WDPCP: variants seen among roughly 807,000 people sequenced by gnomAD.
The protein encoded by WDPCP is WD repeat-containing and planar cell polarity effector protein fritz homolog.
A neutral mutation model predicts 93.1 loss-of-function variants in WDPCP; 71 were observed. The ratio of observed to expected loss-of-function variants is 0.76; its 90% confidence interval spans 0.63 to 0.93. The LOEUF (loss-of-function observed/expected upper bound fraction) is 0.93. Among genes scored for constraint, WDPCP ranks in the 40% least tolerant of loss-of-function variants. The pLI is 0.00. For missense variants in WDPCP, 844 were observed against 887.4 expected (o/e 0.95, Z 0.62); for synonymous variants, 315 against 315.0 (o/e 1.00, Z 0.00).
chr2:63,587,358 G>A (rs1708928813), intron 1 of WDPCP, among the ~76,000 whole-genome samples: 1 of 152,128 alleles, frequency 6.6e-6, no homozygotes, highest in Non-Finnish European at 1.5e-5. Context: ...GGAAAACCAG[G>A]AAAGTATGTT....
the WDPCP span, among the ~76,000 whole-genome samples, chr2:63,834,534 G>T: frequency 2.0e-5 from 3 of 152,166 alleles, no homozygotes; most frequent in Non-Finnish European, 4.4e-5. Flanking sequence ...GAAGCATATT[G>T]ATTCTTTCAG....
chr2:63,314,341 G>C (rs1686469477), intron 12 of WDPCP, among the ~76,000 whole-genome samples: 1 of 151,946 alleles, frequency 6.6e-6, no homozygotes, highest in Non-Finnish European at 1.5e-5. Flanking sequence ...CTAATTTTTT[G>C]TATTTTTTGT....
At chr2:63,211,303 A>C (rs1574884404) in intron 14 of WDPCP, among the ~76,000 whole-genome samples, 1 of 152,194 alleles carries the variant, frequency 6.6e-6, no homozygotes, top group East Asian at 1.9e-4. Flanking sequence ...GCCATTCTGC[A>C]ATATTTATGG....
At chr2:63,171,678 A>G (rs1475325188) in intron 15 of WDPCP, among the ~76,000 whole-genome samples, 1 of 152,220 alleles carries the variant, frequency 6.6e-6, no homozygotes, top group Non-Finnish European at 1.5e-5. Flanking sequence ...CCAGCAATTC[A>G]ATTCCTAGAT....
chr2:63,731,094 C>A (rs1465733752), intron 2 of WDPCP, among the ~76,000 whole-genome samples: 2 of 151,880 alleles, frequency 1.3e-5, no homozygotes, highest in African/African-American at 4.8e-5. Flanking sequence ...CATGGTGAAA[C>A]CCTGTGTCTA....
intron 13 of WDPCP, among the ~76,000 whole-genome samples, chr2:63,285,994 T>TTTTC (rs1553596296): frequency 3.4e-5 from 5 of 148,338 alleles, no homozygotes; most frequent in Non-Finnish European, 6.0e-5. Flanking sequence ...TGAAACAAGT[T>TTTTC]TCTCTCTCTC....
intron 14 of WDPCP, among the ~76,000 whole-genome samples, chr2:63,256,884 T>C (rs1681196842): frequency 6.6e-6 from 1 of 152,150 alleles, no homozygotes; most frequent in Non-Finnish European, 1.5e-5. Context: ...AATTAGTCTA[T>C]AATGTTACAA....
intron 13 of WDPCP, among the ~76,000 whole-genome samples, chr2:63,261,762 CTT>C (rs1681652549): frequency 6.6e-6 from 1 of 152,116 alleles, no homozygotes; most frequent in South Asian, 2.1e-4. Context: ...AGTTTTGCCT[CTT>C]GGCTCACAAA....
At chr2:63,721,146 A>G (rs1328875214) in intron 2 of WDPCP, among the ~76,000 whole-genome samples, 1 of 152,274 alleles carries the variant, frequency 6.6e-6, no homozygotes, top group African/African-American at 2.4e-5. Flanking sequence ...ATTTAGATAC[A>G]TGAGTCAAGG....
chr2:63,452,839 G>T (rs1698352710), intron 6 of WDPCP, among the ~76,000 whole-genome samples: 1 of 152,116 alleles, frequency 6.6e-6, no homozygotes, highest in Non-Finnish European at 1.5e-5. Context: ...ACAAGAAATG[G>T]GGAAACAACT....
chr2:63,285,335 G>A (rs1294940054), intron 13 of WDPCP, among the ~76,000 whole-genome samples: 1 of 151,926 alleles, frequency 6.6e-6, no homozygotes, highest in African/African-American at 2.4e-5. Flanking sequence ...TCAGGAGGCT[G>A]AGGCGGGAGA....
At chr2:63,610,473 A>G (rs895412218) in intron 3 of WDPCP, among the ~76,000 whole-genome samples, 3 of 152,172 alleles carry the variant, frequency 2.0e-5, no homozygotes, top group African/African-American at 7.2e-5. Flanking sequence ...TAAAAGTTAT[A>G]TATACATTAG....
chr2:63,495,304 T>G (rs1193180873), intron 1 of WDPCP, among the ~76,000 whole-genome samples: 1 of 152,216 alleles, frequency 6.6e-6, no homozygotes, highest in Non-Finnish European at 1.5e-5. Flanking sequence ...TTCAGTATTA[T>G]CACTTTGGAA....
intron 1 of WDPCP, among the ~76,000 whole-genome samples, chr2:63,565,245 A>G (rs1402389162): frequency 6.6e-6 from 1 of 152,248 alleles, no homozygotes; most frequent in Non-Finnish European, 1.5e-5. Context: ...ATATTGTTTT[A>G]AGACCAAAAA....
At chr2:63,234,459 A>T (rs998612097) in intron 14 of WDPCP, among the ~76,000 whole-genome samples, 1 of 152,192 alleles carries the variant, frequency 6.6e-6, no homozygotes, top group African/African-American at 2.4e-5. Context: ...ATCTCTTAAA[A>T]AAATGATGCA....
intron 6 of WDPCP, among the ~76,000 whole-genome samples, chr2:63,467,457 G>A (rs924017595): frequency 6.6e-6 from 1 of 151,564 alleles, no homozygotes; most frequent in African/African-American, 2.4e-5. Context: ...GGGCAACAGA[G>A]GGAGACCCCA....
intron 15 of WDPCP, among the ~76,000 whole-genome samples, chr2:63,170,502 A>G (rs1673309442): frequency 6.6e-6 from 1 of 151,590 alleles, no homozygotes; most frequent in South Asian, 2.1e-4. Context: ...TGAACTCCTG[A>G]CCTCAGGTGA....
At chr2:63,486,646 T>A in intron 3 of WDPCP, 60 bp from the exon 4 acceptor site, 3 of 1,377,002 alleles carry the variant, frequency 2.2e-6, no homozygotes, top group Non-Finnish European at 2.0e-6. Flanking sequence ...ATTTTTATTA[T>A]AATGCCTTGT....
intron 6 of WDPCP, among the ~76,000 whole-genome samples, chr2:63,473,393 T>C (rs1015072481): frequency 3.9e-5 from 6 of 152,172 alleles, no homozygotes; most frequent in African/African-American, 7.2e-5. Flanking sequence ...TGTTTTCAAG[T>C]CCAGAAACCC....
Sources: allele counts gnomAD v4.1 joint callset (sites outside exome capture counted in the v4.1 genomes callset), GRCh38; gene constraint gnomAD v4.1.1; transcripts MANE v1.5; gene names NCBI Gene and HGNC (gene_info 2026-07-23, HGNC 2026-07-21).